ZDHHC2: variants seen among roughly 807,000 people sequenced by gnomAD.
ZDHHC2 encodes zDHHC palmitoyltransferase 2, also known as palmitoyltransferase ZDHHC2.
Under a neutral mutation model 55.6 loss-of-function variants are expected in ZDHHC2, and 51 were observed. The ratio of observed to expected loss-of-function variants is 0.92; its 90% CI spans 0.73 to 1.16. The LOEUF (loss-of-function observed/expected upper bound fraction) is 1.16. Among genes scored for constraint, ZDHHC2 ranks in the 50% most tolerant of loss-of-function variants. ZDHHC2 has a pLI of 0.00. For synonymous variants in ZDHHC2, 199 were observed against 152.9 expected, an observed-to-expected ratio of 1.30 and a Z score of -2.22; for missense variants, 491 against 442.4, an observed-to-expected ratio of 1.11 and a Z score of -0.99.
chr8:17,198,465 A>G, intron 6 of ZDHHC2, 52 bp downstream of exon 6: 1 of 1,507,442 alleles, frequency 6.6e-7, no homozygotes, highest in South Asian at 1.3e-5. Flanking sequence ...AATGTTAATA[A>G]ATTAAATCAC....
At chr8:17,198,882 A>C (rs1451354489) in intron 6 of ZDHHC2, among the ~76,000 whole-genome samples, 4 of 152,240 alleles carry the variant, frequency 2.6e-5, no homozygotes, top group Non-Finnish European at 5.9e-5. Context: ...AAATTTAAAC[A>C]AGATTTTCCA....
intron 6 of ZDHHC2, among the ~76,000 whole-genome samples, chr8:17,204,650 G>C (rs1807005064): frequency 6.6e-6 from 1 of 152,144 alleles, no homozygotes; most frequent in Non-Finnish European, 1.5e-5. Context: ...ACACACTGGG[G>C]CCTTTTGGAG....
rs370809337 is a variant in ZDHHC2 at position 17,202,734 on chromosome 8, T to TATAC, written c.477-2920_477-2919insTACA. On this transcript the variant is annotated intron_variant, in intron 6 of 12. Coordinates refer to ENST00000262096, the MANE Select transcript of ZDHHC2 (RefSeq NM_016353.5). ...TATTTCTTCTAGTTATATATATATA[T>TATAC]ACACACACACACACACACACATATA... Among the ~76,000 whole-genome samples the TATAC allele has an allele frequency of 5.1e-4, 76 of 149,728 alleles. 1 individual carries two copies. In the East Asian group the frequency reaches 6.2e-3, roughly 12 times the overall value.
intron 3 of ZDHHC2, among the ~76,000 whole-genome samples, chr8:17,192,328 A>G (rs995037670): frequency 6.6e-6 from 1 of 152,158 alleles, no homozygotes; most frequent in Non-Finnish European, 1.5e-5. Context: ...CTGGGGTACG[A>G]TGATAACTCA....
intron 1 of ZDHHC2, among the ~76,000 whole-genome samples, chr8:17,181,595 G>A (rs977525617): frequency 3.3e-5 from 5 of 152,072 alleles, no homozygotes; most frequent in African/African-American, 9.7e-5. Flanking sequence ...TGAAGAATAG[G>A]TATCAGCATC....
At chr8:17,172,241 T>C (rs1264673707) in intron 1 of ZDHHC2, among the ~76,000 whole-genome samples, 5 of 152,180 alleles carry the variant, frequency 3.3e-5, no homozygotes, top group Non-Finnish European at 5.9e-5. Flanking sequence ...TAAAAGAAAA[T>C]CTAGCCCCTT....
chr8:17,173,138 G>A (rs1804947944), intron 1 of ZDHHC2, among the ~76,000 whole-genome samples: 1 of 152,160 alleles, frequency 6.6e-6, no homozygotes, highest in Admixed American at 6.5e-5. Flanking sequence ...AAGCAAGGAA[G>A]AGAACGGCTG....
At chr8:17,215,391 T>A in intron 11 of ZDHHC2, 42 bp downstream of exon 11, 1 of 1,495,582 alleles carries the variant, frequency 6.7e-7, no homozygotes, top group East Asian at 2.5e-5. Flanking sequence ...CATATTTTAT[T>A]TTTAGAAGGT....
chr8:17,199,042 A>T (rs1384307777), intron 6 of ZDHHC2, among the ~76,000 whole-genome samples: 2 of 152,180 alleles, frequency 1.3e-5, no homozygotes, highest in African/African-American at 4.8e-5. Context: ...TCTGACAGTC[A>T]TGCCCAGGTT....
At chr8:17,205,553 C>T (rs777766067) in intron 6 of ZDHHC2, 102 bp from the exon 7 acceptor site, 1 of 1,273,314 alleles carries the variant, frequency 7.9e-7, no homozygotes, top group Non-Finnish European at 1.0e-6. Context: ...AAAGAAATGC[C>T]AATAAATTAG....
At position 17,176,876 on chromosome 8, in the gene ZDHHC2, T is replaced by C. The variant is rs147282065; in HGVS notation, c.131-7913T>C. Among the ~76,000 whole-genome samples the C allele has an allele frequency of 3.0e-3, 463 of 152,092 alleles. 4 individuals are homozygous for C. The highest frequency in any genetic ancestry group is 9.8e-3 in the African/African-American group (408 of 41,514). On this transcript the variant is annotated intron_variant, in intron 1 of 12. Coordinates refer to ENST00000262096, the MANE Select transcript of ZDHHC2 (RefSeq NM_016353.5). ...ATAAAAAATATAATATGTAAAAATA[T>C]ATAAGTAGATAGGTTATAAAGAAAA... is the stretch of plus-strand genomic sequence containing the variant.
intron 6 of ZDHHC2, among the ~76,000 whole-genome samples, chr8:17,204,601 T>TA (rs1213448912): frequency 6.6e-6 from 1 of 152,048 alleles, no homozygotes; most frequent in Non-Finnish European, 1.5e-5. Context: ...GAGTGGGAGC[T>TA]AAATGATGAG....
chr8:17,191,480 C>G (rs953756596), intron 3 of ZDHHC2, among the ~76,000 whole-genome samples: 1 of 152,222 alleles, frequency 6.6e-6, no homozygotes, highest in Non-Finnish European at 1.5e-5. Flanking sequence ...CCTTCCCAGC[C>G]TCTGGTTGCC....
At chr8:17,174,573 TG>T (rs946700344) in intron 1 of ZDHHC2, among the ~76,000 whole-genome samples, 1 of 152,214 alleles carries the variant, frequency 6.6e-6, no homozygotes, top group Non-Finnish European at 1.5e-5. Context: ...AAGCTTTTGA[TG>T]GCTGATCTAG....
intron 1 of ZDHHC2, among the ~76,000 whole-genome samples, chr8:17,165,423 A>G (rs1198272467): frequency 6.6e-6 from 1 of 152,204 alleles, no homozygotes; most frequent in Non-Finnish European, 1.5e-5. Context: ...TTTTAATGAA[A>G]TGCAACTTAC....
intron 1 of ZDHHC2, among the ~76,000 whole-genome samples, chr8:17,168,708 A>T (rs977844404): frequency 1.3e-5 from 2 of 151,978 alleles, no homozygotes; most frequent in African/African-American, 4.8e-5. Context: ...CGTGAGTCCA[A>T]CTGTCCAGGT....
intron 3 of ZDHHC2, among the ~76,000 whole-genome samples, chr8:17,189,940 G>C (rs533050795): frequency 5.3e-5 from 8 of 152,212 alleles, no homozygotes; most frequent in South Asian, 4.1e-4. Context: ...GTGTGGGAGA[G>C]CTAAGGTTCA....
Position 17,157,647 on chromosome 8 carries a change from C to T in ZDHHC2, c.130+794C>T, listed in dbSNP as rs539117869. The T allele has an allele frequency of 3.3e-5, 5 of 152,112 alleles. 1 individual carries two copies. The South Asian group carries it at 8.3e-4, about 25-fold the overall frequency. The allele number at this position is 152,112 out of a possible 1,614,324, so 9.4% of individuals were successfully genotyped here. Reference sequence around the variant, plus strand: ...GATTATTATGCACAAGTAGGGAGTACAATGATGTCGCTTAATGTAAGCTGG... The same window carrying T: ...GATTATTATGCACAAGTAGGGAGTATAATGATGTCGCTTAATGTAAGCTGG... On this transcript the variant is annotated intron_variant, in intron 1 of 12. Transcript: ENST00000262096.
intron 3 of ZDHHC2, among the ~76,000 whole-genome samples, chr8:17,189,672 G>A (rs1208281307): frequency 1.3e-5 from 2 of 152,198 alleles, no homozygotes; most frequent in African/African-American, 2.4e-5. Flanking sequence ...AGGGTTGGGA[G>A]AGTAGAGAAG....
Sources: gnomAD v4.1 joint callset for allele counts (sites outside exome capture counted in the v4.1 genomes callset) on GRCh38, gnomAD v4.1.1 for gene constraint, MANE v1.5 for transcripts, NCBI Gene and HGNC (gene_info 2026-07-23, HGNC 2026-07-21) for gene names.